The following VPS45 variants were observed in gnomAD, a reference collection of about 807,000 sequenced individuals.
VPS45 encodes vacuolar protein sorting 45 homolog, also known as vacuolar protein sorting-associated protein 45.
In VPS45, 35 loss-of-function variants were observed where a neutral mutation model predicts 75.9. The observed-to-expected ratio is 0.46, with a 90% CI of 0.35 to 0.61. The LOEUF (loss-of-function observed/expected upper bound fraction) is 0.61. Among genes scored for constraint, VPS45 ranks in the 20% least tolerant of loss-of-function variants. The pLI is 0.00. For missense variants in VPS45, 559 were observed against 685.9 expected (o/e 0.81, Z 2.07); for synonymous variants, 220 against 238.2 (o/e 0.92, Z 0.70).
chr1:150,068,449 G>T, intron 1 of VPS45, 181 bp from the exon 2 acceptor site: 2 of 480,904 alleles, frequency 4.2e-6, no homozygotes, highest in Non-Finnish European at 6.9e-6. Context: ...TCAGCTGAAA[G>T]GATAGAGCGT....
At chr1:150,137,307 T>C (rs1659161463) in intron 14 of VPS45, among the ~76,000 whole-genome samples, 1 of 152,202 alleles carries the variant, frequency 6.6e-6, no homozygotes, top group East Asian at 1.9e-4. Flanking sequence ...GCTGGGGTCT[T>C]CTTTTAAAAA....
chr1:150,079,707 C>T (rs587657558), intron 7 of VPS45, among the ~76,000 whole-genome samples: 59 of 152,264 alleles, frequency 3.9e-4, no homozygotes, highest in African/African-American at 1.3e-3. Flanking sequence ...CCACCACGCC[C>T]GGCTGTGACT....
At chr1:150,068,202 C>G in intron 1 of VPS45, 1 of 491,444 alleles carries the variant, frequency 2.0e-6, no homozygotes. Flanking sequence ...AATGTCCCCG[C>G]CAAGAAATCA....
chr1:150,069,830 C>T (rs969211117), intron 2 of VPS45, among the ~76,000 whole-genome samples: 2 of 152,128 alleles, frequency 1.3e-5, no homozygotes, highest in Non-Finnish European at 2.9e-5. Flanking sequence ...ATGAACTTTC[C>T]AAAATGCAAA....
intron 14 of VPS45, among the ~76,000 whole-genome samples, chr1:150,125,462 CTCA>C (rs1235372651): frequency 1.3e-5 from 2 of 151,360 alleles, no homozygotes; most frequent in Non-Finnish European, 2.9e-5. Flanking sequence ...CACCCATTAA[CTCA>C]TCATTTAAAA....
intron 10 of VPS45, among the ~76,000 whole-genome samples, chr1:150,086,556 AACTG>A (rs782519482): frequency 2.6e-5 from 4 of 152,124 alleles, no homozygotes; most frequent in Non-Finnish European, 5.9e-5. Flanking sequence ...GGACACATTG[AACTG>A]ACTGACAATT....
At chr1:150,115,267 G>C (rs587656893) in intron 14 of VPS45, among the ~76,000 whole-genome samples, 7 of 152,162 alleles carry the variant, frequency 4.6e-5, no homozygotes, top group African/African-American at 1.7e-4. Flanking sequence ...AATTTTTTCA[G>C]ATCAGTGTTC....
In VPS45 at chr1:150,073,559, CTGTT is replaced by C. The variant is rs1184263150; in HGVS notation, c.289+1339_289+1342del. Among the ~76,000 whole-genome samples, 4 of 151,656 alleles carry C rather than the reference CTGTT, an allele frequency of 2.6e-5. No individual in the cohort carries two copies. The East Asian group carries it at 7.7e-4, about 29-fold the overall frequency. ...CAACTTAATTTTTGTTTGTTTTTGT[CTGTT>C]TGTTTTTGGCTAATAGTCACAGGTT... On this transcript the variant is annotated intron_variant, in intron 3 of 14. Coordinates refer to ENST00000644510, the MANE Select transcript of VPS45 (RefSeq NM_007259.5).
At chr1:150,105,742 C>A (rs1419913125) in intron 13 of VPS45, among the ~76,000 whole-genome samples, 1 of 152,124 alleles carries the variant, frequency 6.6e-6, no homozygotes, top group Non-Finnish European at 1.5e-5. Flanking sequence ...TCATTCTTCA[C>A]AGAATTAGGA....
At position 150,092,350 on chromosome 1, in the gene VPS45, G is replaced by A; in HGVS notation, c.1312G>A (p.Asp438Asn). Residue 438 changes from aspartate to asparagine, a missense_variant, in exon 12 of 15, where the codon GAC becomes AAC. Transcript: ENST00000644510. ...EYGGKRVRGSDLFSPKDAVAI... is the reference protein window; with the variant it reads ...EYGGKRVRGSNLFSPKDAVAI... ...TGGTGGTAAACGAGTCAGAGGAAGTGACCTCTTCAGCCCCAAAGATGCTGT... is the reference window on the plus strand; with the variant it reads ...TGGTGGTAAACGAGTCAGAGGAAGTAACCTCTTCAGCCCCAAAGATGCTGT... 4 of 1,614,080 alleles carry A rather than the reference G, an allele frequency of 2.5e-6. No homozygotes were observed. Among genetic ancestry groups the A allele is most frequent in the Admixed American group, 3.3e-5 (2 of 60,012 alleles).
intron 2 of VPS45, among the ~76,000 whole-genome samples, chr1:150,070,432 T>C (rs1481208408): frequency 2.0e-5 from 3 of 152,196 alleles, no homozygotes; most frequent in African/African-American, 4.8e-5. Context: ...TAGTTCATTA[T>C]TTCCTAATGT....
Position 150,081,329 on chromosome 1 carries a change from A to G in VPS45, c.688-13A>G. On this transcript the variant is annotated splice_polypyrimidine_tract_variant and intron_variant, in intron 7 of 14. Transcript: ENST00000644510. ...CTGTCAGTTACCTTTTTTTTTCATA[A>G]TTCTTTATTTAGTGGACATATCAGG... is the stretch of plus-strand genomic sequence containing the variant. 1 of 1,571,942 alleles carries G rather than the reference A, an allele frequency of 6.4e-7. No homozygotes were observed. Among genetic ancestry groups the G allele is most frequent in the Non-Finnish European group, 8.6e-7 (1 of 1,167,320 alleles).
chr1:150,121,320 C>T (rs1279913986), intron 14 of VPS45, among the ~76,000 whole-genome samples: 2 of 152,108 alleles, frequency 1.3e-5, no homozygotes, highest in African/African-American at 2.4e-5. Flanking sequence ...TAACCAATTA[C>T]AGAGACTTCT....
In VPS45 at chr1:150,068,742, T is replaced by C; in HGVS notation, c.206T>C (p.Ile69Thr). 1.2e-6 allele frequency: 2 copies of C among 1,611,762 alleles called. No individual in the cohort carries two copies. The highest frequency in any genetic ancestry group is 1.7e-6 in the Non-Finnish European group (2 of 1,178,844). ...GAGATCATGAAACACCTGAAGGCAATTTGTTTTCTTCGACCTACAAAGGTA... is the reference window on the plus strand; with the variant it reads ...GAGATCATGAAACACCTGAAGGCAACTTGTTTTCTTCGACCTACAAAGGTA... ...NREIMKHLKA[I>T]CFLRPTKENV... is the part of the protein sequence containing the mutation. The change falls in exon 2 of 15, where the codon ATT becomes ACT. Residue 69 changes from isoleucine (I) to threonine (T), a missense_variant. Coordinates refer to ENST00000644510, the MANE Select transcript of VPS45 (RefSeq NM_007259.5).
chr1:150,090,655 C>G (rs2101562278), intron 10 of VPS45, among the ~76,000 whole-genome samples: 1 of 152,260 alleles, frequency 6.6e-6, no homozygotes, highest in South Asian at 2.1e-4. Context: ...AGAAATAGAG[C>G]CAGTCCATCC....
At position 150,137,707 on chromosome 1, in the gene VPS45, C is replaced by T. The variant is rs142554128; in HGVS notation, c.1626-7002C>T. On this transcript the variant is annotated intron_variant, in intron 14 of 14. Transcript: ENST00000644510. ...AGGTGGGCAGATTGCCTGAGCTCAG[C>T]AGTTTGAGACCAGCCTGGGCAACAC... 3.3e-5 allele frequency among the ~76,000 whole-genome samples: 5 copies of T among 152,184 alleles called. No individual in the cohort carries two copies. In the East Asian group the frequency reaches 9.7e-4, roughly 29 times the overall value.
intron 13 of VPS45, among the ~76,000 whole-genome samples, chr1:150,104,694 C>T (rs72694919): frequency 0.15 from 22,900 of 152,062 alleles, 1,880 homozygotes; most frequent in African/African-American, 0.17. Flanking sequence ...CTCAGTGCCC[C>T]CTCCCTGCCC....
chr1:150,131,676 T>TAAAA (rs34119963), intron 14 of VPS45, among the ~76,000 whole-genome samples: 117,136 of 139,244 alleles, frequency 0.84, 49,521 homozygotes, highest in East Asian at 0.98. Context: ...TTTTTGTCTC[T>TAAAA]AAAAAAAAAA....
At chr1:150,093,678 G>C (rs781823802) in intron 13 of VPS45, 30 bp downstream of exon 13, 11 of 1,600,030 alleles carry the variant, frequency 6.9e-6, no homozygotes, top group Middle Eastern at 1.7e-4. Flanking sequence ...AATAATAAAA[G>C]CCAGAAATAC....
Sources: allele counts gnomAD v4.1 joint callset (sites outside exome capture counted in the v4.1 genomes callset), GRCh38; gene constraint gnomAD v4.1.1; transcripts MANE v1.5; gene names NCBI Gene and HGNC (gene_info 2026-07-23, HGNC 2026-07-21).